Variants in FNIP2 observed in about 807,000 individuals in gnomAD.
FNIP2 encodes folliculin interacting protein 2, also known as folliculin-interacting protein 2.
FNIP2 carries 32 observed loss-of-function variants against 108.7 expected under a neutral mutation model. The ratio of observed to expected loss-of-function variants is 0.29; its 90% CI spans 0.22 to 0.40. FNIP2 has a LOEUF of 0.40. Among genes scored for constraint, FNIP2 ranks in the 10% least tolerant of loss-of-function variants. FNIP2 has a pLI of 1.00. For missense variants in FNIP2, 1,202 were observed against 1,381.6 expected (o/e 0.87, Z 2.06); for synonymous variants, 480 against 496.7 (o/e 0.97, Z 0.45).
intron 3 of FNIP2, among the ~76,000 whole-genome samples, 170 bp from the exon 4 acceptor site, chr4:158,831,691 G>T (rs1778492314): frequency 6.6e-6 from 1 of 152,150 alleles, no homozygotes; most frequent in African/African-American, 2.4e-5. Context: ...TACTTTGGGG[G>T]GGAAAATAGG....
rs188296335 is a variant in FNIP2, at chr4:158,871,024, C to G, written c.2949+555C>G. Among the ~76,000 whole-genome samples, 73 of 152,292 alleles carry G rather than the reference C, an allele frequency of 4.8e-4. 1 individual carries two copies. Among genetic ancestry groups the G allele is most frequent in the Non-Finnish European group, 4.3e-4 (29 of 68,020 alleles). ...AATTATATGCCGTCACGGTGAGGACCGAAGAGGTGTCACATGTGGTTTGTT... is the reference window on the plus strand; with the variant it reads ...AATTATATGCCGTCACGGTGAGGACGGAAGAGGTGTCACATGTGGTTTGTT... On this transcript the variant is annotated intron_variant, in intron 14 of 16. Coordinates refer to ENST00000264433, the MANE Select transcript of FNIP2 (RefSeq NM_020840.3).
intron 14 of FNIP2, among the ~76,000 whole-genome samples, chr4:158,877,378 A>T (rs1351307259): frequency 6.6e-6 from 1 of 152,226 alleles, no homozygotes; most frequent in African/African-American, 2.4e-5. Flanking sequence ...GTCTTCATGT[A>T]TACCTACAAG....
chr4:158,849,552 G>A (rs1297993829), intron 7 of FNIP2, among the ~76,000 whole-genome samples: 1 of 152,124 alleles, frequency 6.6e-6, no homozygotes, highest in Non-Finnish European at 1.5e-5. Flanking sequence ...GATGTGGGAG[G>A]GGGCTTCTGG....
chr4:158,890,423 A>C (rs1163643857), intron 14 of FNIP2: 2 of 903,190 alleles, frequency 2.2e-6, no homozygotes, highest in Non-Finnish European at 2.6e-6. Context: ...TCTCTTTCCC[A>C]TTTGTGAGAA....
intron 1 of FNIP2, among the ~76,000 whole-genome samples, chr4:158,799,718 G>A (rs1357741749): frequency 6.6e-6 from 1 of 152,118 alleles, no homozygotes; most frequent in Admixed American, 6.5e-5. Flanking sequence ...ATATTTTGTT[G>A]CTGATGTGTT....
At chr4:158,869,580 C>G (rs1454963090) in intron 13 of FNIP2, among the ~76,000 whole-genome samples, 152 bp downstream of exon 13, 2 of 152,196 alleles carry the variant, frequency 1.3e-5, no homozygotes, top group African/African-American at 4.8e-5. Context: ...TAATTCTATA[C>G]AAACGGTTTC....
rs17037738 is a variant in FNIP2 at position 158,889,673 on chromosome 4, G to T, written c.2950-1773G>T. On this transcript the variant is annotated intron_variant, in intron 14 of 16. Transcript: ENST00000264433. Reference sequence around the variant, plus strand: ...CTCATTGTCTCTATGTTGACATATGGTCAGTATGAGAGAAAGGTCTCTAAT... The same window carrying T: ...CTCATTGTCTCTATGTTGACATATGTTCAGTATGAGAGAAAGGTCTCTAAT... 3.8e-3 allele frequency among the ~76,000 whole-genome samples: 577 copies of T among 152,304 alleles called. 5 individuals are homozygous for T. Among genetic ancestry groups the T allele is most frequent in the African/African-American group, 0.013 (540 of 41,554 alleles).
At chr4:158,817,600 AC>A (rs1377811144) in intron 1 of FNIP2, among the ~76,000 whole-genome samples, 1 of 152,002 alleles carries the variant, frequency 6.6e-6, no homozygotes, top group Admixed American at 6.5e-5. Flanking sequence ...AGGCTGGAGT[AC>A]AGTGGTGTGA....
chr4:158,872,737 T>G (rs1781026230), intron 14 of FNIP2: 14 of 970,876 alleles, frequency 1.4e-5, no homozygotes, highest in Admixed American at 6.2e-5. Context: ...TGGTAGTGTT[T>G]TTTTTTTTTT....
intron 7 of FNIP2, among the ~76,000 whole-genome samples, chr4:158,844,826 A>C (rs1051087698): frequency 1.3e-5 from 2 of 152,254 alleles, no homozygotes; most frequent in Non-Finnish European, 1.5e-5. Context: ...TTTTCAGAGA[A>C]AGTTAAACAT....
chr4:158,867,092 C>T (rs1780625552), intron 12 of FNIP2, among the ~76,000 whole-genome samples: 1 of 152,206 alleles, frequency 6.6e-6, no homozygotes, highest in Admixed American at 6.5e-5. Context: ...CTTATTGTCT[C>T]CTCCTTAAGC....
In FNIP2 at chr4:158,906,640, T is replaced by A. The variant is rs1032880087; in HGVS notation, c.*2096T>A. On this transcript the variant is annotated 3_prime_UTR_variant, in exon 17 of 17. Coordinates refer to ENST00000264433, the MANE Select transcript of FNIP2 (RefSeq NM_020840.3). ...GTTGGAAAACTACAGGTGGGTCACA[T>A]GTGGGGGCTGTCTCCGTGACACTCA... 6.6e-6 allele frequency: 1 copy of A among 152,222 alleles called. No individual in the cohort carries two copies. Among genetic ancestry groups the A allele is most frequent in the East Asian group, 1.9e-4 (1 of 5,198 alleles). 9.4% of individuals were successfully genotyped at this position (152,222 alleles called of 1,614,324 possible).
chr4:158,842,023 T>C (rs1353009807), intron 7 of FNIP2, among the ~76,000 whole-genome samples: 1 of 152,294 alleles, frequency 6.6e-6, no homozygotes, highest in Non-Finnish European at 1.5e-5. Flanking sequence ...GCCTTGGCCT[T>C]AGCCTTGCTT....
At chr4:158,859,977 C>T (rs1780190502) in intron 10 of FNIP2, among the ~76,000 whole-genome samples, 1 of 152,170 alleles carries the variant, frequency 6.6e-6, no homozygotes, top group Non-Finnish European at 1.5e-5. Context: ...AAGCCCTAAG[C>T]ACTACTAACC....
chr4:158,907,470 C>T lies in FNIP2; in HGVS notation c.*2926C>T, dbSNP rs761872228. ...CCCCGCTTGCTAAATGATACTAAAC[C>T]GTTGTTTGGGCTCTTATAATTAGGT... is the stretch of plus-strand genomic sequence containing the variant. On this transcript the variant is annotated 3_prime_UTR_variant, in exon 17 of 17. Transcript: ENST00000264433. 1 of 151,986 alleles carries T rather than the reference C, an allele frequency of 6.6e-6. No individual in the cohort carries two copies. Among genetic ancestry groups the T allele is most frequent in the Non-Finnish European group, 1.5e-5 (1 of 68,002 alleles). The allele number at this position is 151,986 out of a possible 1,614,324, so 9.4% of individuals were successfully genotyped here. A position where few individuals can be genotyped will look rare whatever the true frequency, so the allele number is the denominator to read the frequency against.
At chr4:158,774,191 A>G (rs1316129679) in intron 1 of FNIP2, among the ~76,000 whole-genome samples, 2 of 152,222 alleles carry the variant, frequency 1.3e-5, no homozygotes, top group African/African-American at 4.8e-5. Flanking sequence ...TAAAAATAGG[A>G]GCGATTATGC....
At chr4:158,830,219 A>C (rs1481581054) in intron 3 of FNIP2, among the ~76,000 whole-genome samples, 1 of 149,548 alleles carries the variant, frequency 6.7e-6, no homozygotes, top group African/African-American at 2.5e-5. Flanking sequence ...AGAGGAACCT[A>C]GCTGAGCAGG....
At position 158,833,549 on chromosome 4, in the gene FNIP2, C is replaced by T. The variant is rs1379684783; in HGVS notation, c.576C>T (p.Tyr192=). 6.2e-7 allele frequency: 1 copy of T among 1,607,320 alleles called. No homozygotes were observed. The highest frequency in any genetic ancestry group is 1.7e-5 in the Admixed American group (1 of 58,982). ...STNNLQDSFE[Y]INQDPNLGKL... Reference sequence around the variant, plus strand: ...ATAGCTTGCAAGACAGCTTTGAGTACATCAACCAAGATCCTAATTTGGGAA... The same window carrying T: ...ATAGCTTGCAAGACAGCTTTGAGTATATCAACCAAGATCCTAATTTGGGAA... Residue 192 remains tyrosine, a synonymous_variant, in exon 6 of 17, where the codon TAC becomes TAT. Transcript: ENST00000264433.
chr4:158,792,599 A>G (rs1776456213), intron 1 of FNIP2, among the ~76,000 whole-genome samples: 1 of 152,234 alleles, frequency 6.6e-6, no homozygotes, highest in African/African-American at 2.4e-5. Context: ...CAACAGAAAC[A>G]CATATACACT....
Sources: allele counts gnomAD v4.1 joint callset (sites outside exome capture counted in the v4.1 genomes callset), GRCh38; gene constraint gnomAD v4.1.1; transcripts MANE v1.5; gene names NCBI Gene and HGNC (gene_info 2026-07-23, HGNC 2026-07-21).